Variants in DCDC2 observed in about 807,000 individuals in gnomAD.
DCDC2 encodes doublecortin domain-containing protein 2.
A neutral mutation model predicts 50.2 loss-of-function variants in DCDC2; 40 were observed. The observed-to-expected ratio is 0.80, with a 90% CI of 0.62 to 1.04. The LOEUF (loss-of-function observed/expected upper bound fraction) is 1.04. DCDC2 is among the 50% of genes least tolerant of loss of function. DCDC2 has a pLI of 0.00. For synonymous variants in DCDC2, 234 were observed against 210.6 expected (o/e 1.11, Z -0.96); for missense variants, 570 against 581.9 (o/e 0.98, Z 0.21).
chr6:24,375,427 C>A, the DCDC2 span, among the ~76,000 whole-genome samples: 7 of 152,156 alleles, frequency 4.6e-5, no homozygotes, highest in Non-Finnish European at 7.4e-5. Context: ...ACTCCCCCCC[C>A]CAACCCCGCT....
At chr6:24,355,161 A>G (rs1465993105) in intron 1 of DCDC2, among the ~76,000 whole-genome samples, 1 of 152,218 alleles carries the variant, frequency 6.6e-6, no homozygotes, top group African/African-American at 2.4e-5. Context: ...AAACCTAACC[A>G]TGGACACTGT....
intron 7 of DCDC2, among the ~76,000 whole-genome samples, chr6:24,227,178 T>C (rs1482889271): frequency 6.6e-6 from 1 of 152,210 alleles, no homozygotes; most frequent in Non-Finnish European, 1.5e-5. Context: ...ATCAGCATCA[T>C]GTACTGAGTT....
intron 6 of DCDC2, among the ~76,000 whole-genome samples, chr6:24,285,278 G>A (rs969681708): frequency 2.6e-5 from 4 of 152,148 alleles, no homozygotes; most frequent in East Asian, 1.9e-4. Context: ...ATGGAACTAC[G>A]TTTGACAACT....
Position 24,304,038 on chromosome 6 carries a change from G to A in DCDC2, c.349-1994C>T, listed in dbSNP as rs151144054. Among the ~76,000 whole-genome samples the A allele has an allele frequency of 3.2e-3, 481 of 152,306 alleles. 1 individual carries two copies. The highest frequency in any genetic ancestry group is 0.011 in the African/African-American group (457 of 41,558). On this transcript the variant is annotated intron_variant, in intron 2 of 9. Coordinates refer to ENST00000378454, the MANE Select transcript of DCDC2 (RefSeq NM_016356.5). ...TAAAACAGTGCTTGGCAATGCCTAC[G>A]AGTTGCACAATAAATGTTTGTTAAA...
In DCDC2 at chr6:24,278,175, T is replaced by A; in HGVS notation, c.796A>T (p.Ser266Cys). The change falls in exon 7 of 10, where the codon AGT (serine) becomes TGT (cysteine). Residue 266 changes from serine (S) to cysteine (C), a missense_variant. By Grantham distance (112) the Ser-to-Cys change is moderately radical. Transcript: ENST00000378454. ...DRHSKSTVGS[S>C]DNSSPQPLKR... ...AGGGGCTGAGGAGATGAGTTGTCACTGGATCCAACTGTTGACTTAGAGTGG... is the reference window on the plus strand; with the variant it reads ...AGGGGCTGAGGAGATGAGTTGTCACAGGATCCAACTGTTGACTTAGAGTGG... The A allele has an allele frequency of 6.2e-7, 1 of 1,613,158 alleles. No individual in the cohort carries two copies. The highest frequency in any genetic ancestry group is 8.5e-7 in the Non-Finnish European group (1 of 1,179,768).
intron 2 of DCDC2, among the ~76,000 whole-genome samples, chr6:24,346,916 AACTC>A (rs1349090714): frequency 6.6e-6 from 1 of 152,150 alleles, no homozygotes; most frequent in East Asian, 1.9e-4. Flanking sequence ...TAGAAGCAGA[AACTC>A]AGAAGAAGAG....
chr6:24,305,785 G>A (rs1420045984), intron 2 of DCDC2, among the ~76,000 whole-genome samples: 1 of 145,006 alleles, frequency 6.9e-6, no homozygotes, highest in Admixed American at 6.7e-5. Flanking sequence ...CCAGCACTTT[G>A]GGAGGCCAAG....
At chr6:24,372,130 A>G in the DCDC2 span, among the ~76,000 whole-genome samples, 2 of 152,310 alleles carry the variant, frequency 1.3e-5, no homozygotes, top group East Asian at 1.9e-4. Flanking sequence ...TATATACCCA[A>G]AGGATTATAG....
intron 8 of DCDC2, 92 bp from the exon 9 acceptor site, chr6:24,178,724 T>C: frequency 7.8e-7 from 1 of 1,284,658 alleles, no homozygotes; most frequent in Non-Finnish European, 1.1e-6. Context: ...TATATTACAG[T>C]CAAGTAAAAC....
At chr6:24,209,769 T>TA (rs1761815326) in intron 7 of DCDC2, among the ~76,000 whole-genome samples, 1 of 152,118 alleles carries the variant, frequency 6.6e-6, no homozygotes, top group African/African-American at 2.4e-5. Flanking sequence ...CTCTAGGTAG[T>TA]AAAAGTGAGC....
the DCDC2 span, among the ~76,000 whole-genome samples, chr6:24,365,932 C>A: frequency 3.3e-5 from 5 of 152,056 alleles, no homozygotes; most frequent in Non-Finnish European, 7.3e-5. Flanking sequence ...ATTCTTCCAC[C>A]TCAGCCTCCC....
intron 8 of DCDC2, among the ~76,000 whole-genome samples, chr6:24,191,378 T>A (rs1470389663): frequency 6.6e-6 from 1 of 152,204 alleles, no homozygotes; most frequent in Admixed American, 6.5e-5. Context: ...TTTAAACCTA[T>A]TTCTGGTTAC....
chr6:24,189,951 C>A (rs1366289618), intron 8 of DCDC2, among the ~76,000 whole-genome samples: 1 of 151,896 alleles, frequency 6.6e-6, no homozygotes, highest in African/African-American at 2.4e-5. Flanking sequence ...TTTCTGTTCC[C>A]ATGGAAACTA....
intron 2 of DCDC2, among the ~76,000 whole-genome samples, chr6:24,304,251 G>A (rs1273002362): frequency 6.6e-6 from 1 of 152,338 alleles, no homozygotes; most frequent in African/African-American, 2.4e-5. Context: ...GGGAGGCTGA[G>A]GCAGGTGGAT....
At chr6:24,198,268 A>G (rs1247477236) in intron 8 of DCDC2, among the ~76,000 whole-genome samples, 2 of 152,206 alleles carry the variant, frequency 1.3e-5, no homozygotes, top group African/African-American at 4.8e-5. Context: ...TCAACACAGA[A>G]GGCCAGTGAT....
intron 7 of DCDC2, among the ~76,000 whole-genome samples, chr6:24,234,894 C>T (rs1762410888): frequency 6.6e-6 from 1 of 152,122 alleles, no homozygotes; most frequent in Admixed American, 6.6e-5. Context: ...ATAGATAGCA[C>T]ACTTGCCAAA....
rs962103829 is a variant in DCDC2 at position 24,173,443 on chromosome 6, A to G, written c.*1287T>C. The G allele has an allele frequency of 6.2e-4, 94 of 152,310 alleles. No homozygotes were observed. The highest frequency in any genetic ancestry group is 2.1e-3 in the African/African-American group (88 of 41,588). 9.4% of individuals were successfully genotyped at this position (152,310 alleles called of 1,614,324 possible). On this transcript the variant is annotated 3_prime_UTR_variant, in exon 10 of 10. Transcript: ENST00000378454. The stretch of plus-strand genomic sequence containing the variant: ...TTACAACTTCCACATAATTAAAAAT[A>G]TATCCTTTAAGAAAAATATATTATT...
chr6:24,311,642 A>G (rs1233222218), intron 2 of DCDC2, among the ~76,000 whole-genome samples: 1 of 152,232 alleles, frequency 6.6e-6, no homozygotes, highest in African/African-American at 2.4e-5. Flanking sequence ...CCTCAAAATA[A>G]CCTTATGAGG....
At chr6:24,338,563 C>T (rs926503987) in intron 2 of DCDC2, among the ~76,000 whole-genome samples, 1 of 152,208 alleles carries the variant, frequency 6.6e-6, no homozygotes, top group East Asian at 1.9e-4. Flanking sequence ...AACACATGGT[C>T]GCCTGGCCTC....
Sources: allele counts gnomAD v4.1 joint callset (sites outside exome capture counted in the v4.1 genomes callset), GRCh38; gene constraint gnomAD v4.1.1; transcripts MANE v1.5; gene names NCBI Gene and HGNC (gene_info 2026-07-23, HGNC 2026-07-21).